RNF17: variants seen among roughly 807,000 people sequenced by gnomAD.
RNF17 encodes the protein ring finger protein 17, also known as spermatogenesis associated 23.
A neutral mutation model predicts 200.5 loss-of-function variants in RNF17; 31 were observed. That is an observed-to-expected ratio of 0.15 (90% CI 0.12 to 0.21). The LOEUF (loss-of-function observed/expected upper bound fraction) is 0.21. Ranked by LOEUF, RNF17 falls within the 10% of genes least tolerant of loss-of-function variation. RNF17 has a pLI of 1.00. For synonymous variants in RNF17, 606 were observed against 637.8 expected (o/e 0.95, Z 0.75); for missense variants, 1,628 against 1,905.1 (o/e 0.85, Z 2.71).
downstream of RNF17, among the ~76,000 whole-genome samples, chr13:24,881,904 A>ATATATAATC (rs1953845211): frequency 2.0e-5 from 2 of 101,670 alleles, no homozygotes; most frequent in Admixed American, 1.0e-4. Context: ...ATCTATATAG[A>ATATATAATC]TATATAGATA....
At chr13:24,864,119 A>G (rs1309632969) in intron 28 of RNF17, among the ~76,000 whole-genome samples, 1 of 152,222 alleles carries the variant, frequency 6.6e-6, no homozygotes, top group East Asian at 1.9e-4. Flanking sequence ...GCATCTGGGA[A>G]GACGTCGCTG....
chr13:24,824,205 C>A (rs1210575660), intron 15 of RNF17: 2 of 714,172 alleles, frequency 2.8e-6, no homozygotes, highest in South Asian at 1.5e-5. Flanking sequence ...GAGATCTGAT[C>A]TAATAAAGTT....
At chr13:24,764,099 C>T, upstream of RNF17, 7 of 1,117,800 alleles carry the variant, frequency 6.3e-6, no homozygotes, top group Non-Finnish European at 8.9e-6. Flanking sequence ...AATCTCCCGG[C>T]CCACTGTTTG....
At chr13:24,875,701 C>A (rs1894786947) in intron 33 of RNF17, among the ~76,000 whole-genome samples, 1 of 152,158 alleles carries the variant, frequency 6.6e-6, no homozygotes, top group Non-Finnish European at 1.5e-5. Flanking sequence ...CCAGTGTGAT[C>A]CTAAAGGCAG....
At position 24,764,252 on chromosome 13, in the gene RNF17, C is replaced by T; in HGVS notation, c.49C>T (p.Arg17Ter). Residue 17 changes from arginine to a stop codon, truncating the protein, a stop_gained, in exon 1 of 36, where the codon CGA (arginine) becomes TGA (stop). Transcript: ENST00000255324. LOFTEE classifies it high-confidence loss of function. The part of the protein sequence containing the change: ...KTGPSRSSYQ[R>*]MGRKSQPWGA... ...TGGGCCTTCTAGGTCTTCCTACCAG[C>T]GAATGGGGAGGAAGAGTCAGCCCTG... 6.2e-7 allele frequency: 1 copy of T among 1,609,608 alleles called. No homozygotes were observed. The highest frequency in any genetic ancestry group is 8.5e-7 in the Non-Finnish European group (1 of 1,176,624).
intron 2 of RNF17, among the ~76,000 whole-genome samples, chr13:24,770,243 AAT>A (rs1425425042): frequency 6.6e-6 from 1 of 152,168 alleles, no homozygotes; most frequent in East Asian, 1.9e-4. Flanking sequence ...CTACAGAATA[AAT>A]GCTTGTTAAA....
intron 15 of RNF17, among the ~76,000 whole-genome samples, chr13:24,823,020 G>A (rs1405697344): frequency 6.6e-6 from 1 of 152,098 alleles, no homozygotes; most frequent in African/African-American, 2.4e-5. Flanking sequence ...TGTAAGGCAG[G>A]TATAGTGGTG....
intron 15 of RNF17, among the ~76,000 whole-genome samples, chr13:24,816,940 G>T (rs1887481902): frequency 6.6e-6 from 1 of 152,226 alleles, no homozygotes; most frequent in Non-Finnish European, 1.5e-5. Context: ...TCGGGGCAGA[G>T]CTAGAGTTCC....
chr13:24,760,262 G>A (rs1218148787), upstream of RNF17, among the ~76,000 whole-genome samples: 1 of 152,148 alleles, frequency 6.6e-6, no homozygotes, highest in Non-Finnish European at 1.5e-5. Flanking sequence ...TGAGAAAAAT[G>A]ATTATGATAA....
chr13:24,760,147 T>A (rs1406674551), upstream of RNF17, among the ~76,000 whole-genome samples: 1 of 151,912 alleles, frequency 6.6e-6, no homozygotes, highest in Non-Finnish European at 1.5e-5. Context: ...TCTCAAAAAA[T>A]ATATATATAG....
intron 32 of RNF17, among the ~76,000 whole-genome samples, chr13:24,870,990 G>A (rs947851789): frequency 2.0e-5 from 3 of 152,306 alleles, no homozygotes; most frequent in South Asian, 2.1e-4. Context: ...ATAAGACAGC[G>A]TTGGAAAATT....
In RNF17 at chr13:24,853,795, G is replaced by GT. The variant is rs1892191640; in HGVS notation, c.3321-56dup. ...ATATCTGAATGATTCTTTTTATGTT[G>GT]TTTTACCCAGAATTTTATATTTGCT... On this transcript the variant is annotated intron_variant, in intron 24 of 35. Coordinates refer to ENST00000255324, the MANE Select transcript of RNF17 (RefSeq NM_031277.3). 2.3e-6 allele frequency: 3 copies of GT among 1,299,506 alleles called. No homozygotes were observed. In the Admixed American group the frequency reaches 7.7e-5, roughly 33 times the overall value. The allele number at this position is 1,299,506 out of a possible 1,614,324, so 80.5% of individuals were successfully genotyped here. A position where few individuals can be genotyped will look rare whatever the true frequency, so the allele number is the denominator to read the frequency against.
the RNF17 span, among the ~76,000 whole-genome samples, chr13:24,758,937 G>T: frequency 2.2e-3 from 327 of 151,984 alleles, no homozygotes; most frequent in African/African-American, 7.4e-3. Context: ...TTAGCCGGGC[G>T]TGGTGGTGTG....
At chr13:24,782,232 A>G (rs770111602) in intron 6 of RNF17, among the ~76,000 whole-genome samples, 4 of 151,938 alleles carry the variant, frequency 2.6e-5, no homozygotes, top group South Asian at 2.1e-4. Context: ...CTGGGGTGCA[A>G]TGGTGTGATA....
At chr13:24,779,191 T>C (rs36121914) in intron 4 of RNF17, among the ~76,000 whole-genome samples, 31,315 of 151,400 alleles carry the variant, frequency 0.21, 3,732 homozygotes, top group African/African-American at 0.33. Flanking sequence ...TGAGACTCTG[T>C]CTCAAAAAAA....
intron 14 of RNF17, 59 bp downstream of exon 14, chr13:24,802,630 C>A: frequency 7.2e-7 from 1 of 1,385,430 alleles, no homozygotes; most frequent in Non-Finnish European, 9.8e-7. Context: ...ATGAGAGTAG[C>A]AGATTTTGCC....
intron 18 of RNF17, among the ~76,000 whole-genome samples, chr13:24,838,831 G>T (rs1890301683): frequency 1.8e-5 from 2 of 112,798 alleles, no homozygotes; most frequent in Admixed American, 1.2e-4. Context: ...GAGCAGTCAA[G>T]CAAGAGAAGG....
At chr13:24,857,231 T>A (rs1257017803) in intron 25 of RNF17, among the ~76,000 whole-genome samples, 1 of 152,212 alleles carries the variant, frequency 6.6e-6, no homozygotes, top group African/African-American at 2.4e-5. Flanking sequence ...GATTTTACTC[T>A]TTCCTCCATG....
intron 10 of RNF17, among the ~76,000 whole-genome samples, chr13:24,793,925 A>G (rs937083959): frequency 2.0e-5 from 3 of 152,234 alleles, no homozygotes; most frequent in Admixed American, 6.5e-5. Flanking sequence ...CCCGTTGTCT[A>G]TTTTATTGGT....
Sources: gnomAD v4.1 joint callset for allele counts (sites outside exome capture counted in the v4.1 genomes callset) on GRCh38, gnomAD v4.1.1 for gene constraint, MANE v1.5 for transcripts, NCBI Gene and HGNC (gene_info 2026-07-23, HGNC 2026-07-21) for gene names.